CFAP299: variants seen among roughly 807,000 people sequenced by gnomAD.
CFAP299 encodes cilia- and flagella-associated protein 299.
Under a neutral mutation model 27.0 loss-of-function variants are expected in CFAP299, and 21 were observed. The ratio of observed to expected loss-of-function variants is 0.78; its 90% CI spans 0.55 to 1.12. The LOEUF (loss-of-function observed/expected upper bound fraction) is 1.12. Ranked by LOEUF, CFAP299 falls within the 50% of genes most tolerant of loss-of-function variation. The pLI, the probability that CFAP299 is intolerant of heterozygous loss-of-function variation, is 0.00. For synonymous variants in CFAP299, 104 were observed against 98.1 expected (o/e 1.06, Z -0.36); for missense variants, 310 against 276.6 (o/e 1.12, Z -0.86).
Position 80,385,065 on chromosome 4 carries a change from C to T in CFAP299, c.242+22181C>T, listed in dbSNP as rs981903502. On this transcript the variant is annotated intron_variant, in intron 2 of 5. Coordinates refer to ENST00000358105, the MANE Select transcript of CFAP299 (RefSeq NM_152770.3). ...TGATTAAATGAAGCTATTACATATCCATCATCTCACATCCCTATTATTGTT... is the reference window on the plus strand; with the variant it reads ...TGATTAAATGAAGCTATTACATATCTATCATCTCACATCCCTATTATTGTT... 5.9e-5 allele frequency among the ~76,000 whole-genome samples: 9 copies of T among 152,108 alleles called. No individual in the cohort carries two copies. The South Asian group carries it at 1.0e-3, about 18-fold the overall frequency.
chr4:80,330,289 TA>T, the CFAP299 span, among the ~76,000 whole-genome samples: 1 of 152,170 alleles, frequency 6.6e-6, no homozygotes, highest in South Asian at 2.1e-4. Flanking sequence ...GCTGTCAGAA[TA>T]ATCTTTAAAA....
chr4:80,530,248 A>G (rs1367111616), intron 2 of CFAP299, among the ~76,000 whole-genome samples: 2 of 152,176 alleles, frequency 1.3e-5, no homozygotes, highest in Non-Finnish European at 2.9e-5. Context: ...TGTCAAGTGC[A>G]GCAGATATAT....
chr4:80,866,642 G>T (rs1479478093), intron 3 of CFAP299, among the ~76,000 whole-genome samples: 1 of 152,088 alleles, frequency 6.6e-6, no homozygotes, highest in East Asian at 1.9e-4. Flanking sequence ...TGAGTGACTT[G>T]CCCAGGGCTG....
chr4:80,382,069 G>T (rs1476120700), intron 2 of CFAP299, among the ~76,000 whole-genome samples: 2 of 152,112 alleles, frequency 1.3e-5, no homozygotes, highest in African/African-American at 4.8e-5. Flanking sequence ...TGTTCAAAAT[G>T]TATGCCAGAT....
At chr4:80,952,449 T>C (rs1457544186) in intron 5 of CFAP299, among the ~76,000 whole-genome samples, 2 of 152,114 alleles carry the variant, frequency 1.3e-5, no homozygotes, top group African/African-American at 4.8e-5. Flanking sequence ...TCACTCAGGG[T>C]TCTTTGAGGA....
chr4:80,567,824 A>G (rs975443055), intron 2 of CFAP299, among the ~76,000 whole-genome samples: 3 of 151,408 alleles, frequency 2.0e-5, no homozygotes, highest in Admixed American at 6.6e-5. Flanking sequence ...ACATAATTAG[A>G]ATGATGCTTG....
At chr4:80,421,771 A>G (rs1355384152) in intron 2 of CFAP299, among the ~76,000 whole-genome samples, 2 of 152,218 alleles carry the variant, frequency 1.3e-5, no homozygotes, top group Non-Finnish European at 2.9e-5. Context: ...TAATTCTCAA[A>G]GAGATCTTTT....
At chr4:80,548,050 G>A (rs1734327754) in intron 2 of CFAP299, among the ~76,000 whole-genome samples, 1 of 152,052 alleles carries the variant, frequency 6.6e-6, no homozygotes, top group South Asian at 2.1e-4. Context: ...AAAATAAATT[G>A]TTCTATCAAA....
chr4:80,796,046 C>T (rs1417269922), intron 3 of CFAP299, among the ~76,000 whole-genome samples: 1 of 152,136 alleles, frequency 6.6e-6, no homozygotes, highest in East Asian at 1.9e-4. Flanking sequence ...TATTGCAGTG[C>T]CTTCTCCTGT....
At position 80,335,964 on chromosome 4, in the gene CFAP299, C is replaced by T. The variant is rs143808999; in HGVS notation, c.111+85C>T. ...TCCCGCTTCGTGGGCTGGTCGCCCC[C>T]TGGCGCTGGACAGCTCAGCTGTCAG... On this transcript the variant is annotated intron_variant, in intron 1 of 5. Transcript: ENST00000358105. 1.7e-3 allele frequency: 1,465 copies of T among 876,432 alleles called. 4 individuals are homozygous for T. Among genetic ancestry groups the T allele is most frequent in the Non-Finnish European group, 2.0e-3 (1,044 of 522,178 alleles). 54.3% of individuals were successfully genotyped at this position (876,432 alleles called of 1,614,324 possible).
At chr4:80,524,800 C>A (rs1454860062) in intron 2 of CFAP299, among the ~76,000 whole-genome samples, 3 of 152,142 alleles carry the variant, frequency 2.0e-5, no homozygotes, top group African/African-American at 7.2e-5. Flanking sequence ...AAATAACTCT[C>A]ATCTATTATG....
chr4:80,787,029 G>A (rs892006017), intron 3 of CFAP299, among the ~76,000 whole-genome samples: 1 of 151,680 alleles, frequency 6.6e-6, no homozygotes, highest in East Asian at 1.9e-4. Flanking sequence ...CCAATAAAAT[G>A]GGTTGAATGA....
At chr4:80,328,106 C>T in the CFAP299 span, among the ~76,000 whole-genome samples, 27 of 151,578 alleles carry the variant, frequency 1.8e-4, no homozygotes, top group African/African-American at 5.3e-4. Context: ...AAGTGGTGGC[C>T]GAAAATTTTG....
chr4:80,869,651 TTA>T (rs1245218934), intron 3 of CFAP299, among the ~76,000 whole-genome samples: 1 of 152,070 alleles, frequency 6.6e-6, no homozygotes, highest in African/African-American at 2.4e-5. Flanking sequence ...GTAGCTGGGA[TTA>T]TAGGCGCCCT....
chr4:80,728,307 A>C lies in CFAP299; in HGVS notation c.334-141686A>C, dbSNP rs375889011. Reference sequence around the variant, plus strand: ...ACAAAACTTTGGTTTAACACTTCTCATATTTTCTAAAGACAAAGAAATAAT... The same window carrying C: ...ACAAAACTTTGGTTTAACACTTCTCCTATTTTCTAAAGACAAAGAAATAAT... On this transcript the variant is annotated intron_variant, in intron 3 of 5. Transcript: ENST00000358105. 5.0e-3 allele frequency among the ~76,000 whole-genome samples: 766 copies of C among 152,204 alleles called. 4 individuals are homozygous for C. The highest frequency in any genetic ancestry group is 0.02 in the Middle Eastern group (6 of 294).
chr4:80,735,064 T>C (rs1383495920), intron 3 of CFAP299, among the ~76,000 whole-genome samples: 1 of 152,192 alleles, frequency 6.6e-6, no homozygotes, highest in Admixed American at 6.6e-5. Context: ...TTAACAATAT[T>C]GATCCTTCCT....
At chr4:80,528,473 G>C (rs1213884487) in intron 2 of CFAP299, among the ~76,000 whole-genome samples, 2 of 152,104 alleles carry the variant, frequency 1.3e-5, no homozygotes, top group African/African-American at 4.8e-5. Flanking sequence ...GTTTGAGGCA[G>C]TAATTCTCCA....
intron 3 of CFAP299, among the ~76,000 whole-genome samples, chr4:80,813,653 T>C (rs889735541): frequency 1.3e-5 from 2 of 151,952 alleles, no homozygotes; most frequent in Non-Finnish European, 2.9e-5. Context: ...TCACACAGAA[T>C]TCAGAAGTTT....
chr4:80,422,237 A>G (rs1727318292), intron 2 of CFAP299, among the ~76,000 whole-genome samples: 1 of 152,212 alleles, frequency 6.6e-6, no homozygotes, highest in Non-Finnish European at 1.5e-5. Context: ...TGAATACTTA[A>G]CAACTATTCA....
Sources: allele counts gnomAD v4.1 joint callset (sites outside exome capture counted in the v4.1 genomes callset), GRCh38; gene constraint gnomAD v4.1.1; transcripts MANE v1.5; gene names NCBI Gene and HGNC (gene_info 2026-07-23, HGNC 2026-07-21).